The following FHOD3 variants were observed in gnomAD, a reference collection of about 807,000 sequenced individuals.
The protein encoded by FHOD3 is formin homology 2 domain containing 3, also known as FH1/FH2 domain-containing protein 3.
In FHOD3, 90 loss-of-function variants were observed where a neutral mutation model predicts 173.0. The ratio of observed to expected loss-of-function variants is 0.52; its 90% confidence interval spans 0.44 to 0.62. The LOEUF (loss-of-function observed/expected upper bound fraction) is 0.62. Ranked by LOEUF, FHOD3 falls within the 20% of genes least tolerant of loss-of-function variation. FHOD3 has a pLI of 0.00. For synonymous variants in FHOD3, 828 were observed against 823.0 expected (o/e 1.01, Z -0.10); for missense variants, 1,945 against 2,034.7 (o/e 0.96, Z 0.85).
chr18:36,409,749 G>A (rs1014342241), intron 3 of FHOD3, among the ~76,000 whole-genome samples: 12 of 152,226 alleles, frequency 7.9e-5, no homozygotes, highest in African/African-American at 2.7e-4. Context: ...TGGCCCCAGA[G>A]CTCTGGGGGT....
At chr18:36,456,286 T>G (rs2052209195) in intron 3 of FHOD3, among the ~76,000 whole-genome samples, 5 of 152,076 alleles carry the variant, frequency 3.3e-5, no homozygotes, top group African/African-American at 9.7e-5. Context: ...TGACATTGAT[T>G]GTAAGGGAGT....
chr18:36,697,633 C>T (rs1470474598), intron 17 of FHOD3, among the ~76,000 whole-genome samples: 1 of 151,954 alleles, frequency 6.6e-6, no homozygotes, highest in African/African-American at 2.4e-5. Context: ...ATTGTTTGGC[C>T]CTGGGGATAT....
intron 19 of FHOD3, among the ~76,000 whole-genome samples, chr18:36,722,473 T>G: frequency 6.6e-6 from 1 of 152,244 alleles, no homozygotes; most frequent in East Asian, 1.9e-4. Context: ...TCATTAGGTT[T>G]GTCATAGGGA....
Position 36,718,724 on chromosome 18 carries a change from A to G in FHOD3, c.3417+9A>G, listed in dbSNP as rs777048376. On this transcript the variant is annotated intron_variant, in intron 19 of 28. Transcript: ENST00000590592. ...AACTGTCTGTCTCAAAGGTACTGCT[A>G]GTCTTCAGCATGCTTCTTGATTGGA... 2.5e-6 allele frequency: 4 copies of G among 1,606,704 alleles called. No homozygotes were observed. The East Asian group carries it at 6.7e-5, about 27-fold the overall frequency.
chr18:36,644,203 A>G (rs1226956355), intron 10 of FHOD3, among the ~76,000 whole-genome samples: 1 of 152,222 alleles, frequency 6.6e-6, no homozygotes, highest in Non-Finnish European at 1.5e-5. Flanking sequence ...TCACAAGCAA[A>G]AGACCTGTGG....
intron 16 of FHOD3, among the ~76,000 whole-genome samples, chr18:36,687,494 G>C (rs2038701067): frequency 2.0e-5 from 3 of 152,172 alleles, no homozygotes; most frequent in Non-Finnish European, 1.5e-5. Flanking sequence ...CCTAATGCAT[G>C]CTTTTATGTC....
At chr18:36,774,695 G>A (rs780806069) in intron 28 of FHOD3, among the ~76,000 whole-genome samples, 3 of 152,150 alleles carry the variant, frequency 2.0e-5, no homozygotes, top group Non-Finnish European at 2.9e-5. Flanking sequence ...CAGAAAAGTT[G>A]CAAAAATAGT....
chr18:36,397,017 C>T (rs139216171), intron 3 of FHOD3, among the ~76,000 whole-genome samples: 88 of 152,250 alleles, frequency 5.8e-4, no homozygotes, highest in African/African-American at 2.0e-3. Flanking sequence ...TACTGCTCCA[C>T]TATTTCTGAG....
chr18:36,338,520 T>C (rs1300620369), intron 1 of FHOD3, among the ~76,000 whole-genome samples: 1 of 152,206 alleles, frequency 6.6e-6, no homozygotes, highest in Admixed American at 6.5e-5. Flanking sequence ...AACCATGATG[T>C]CCTGCAGGCC....
intron 26 of FHOD3, 35 bp from the exon 27 acceptor site, chr18:36,760,573 C>A: frequency 6.6e-7 from 1 of 1,510,764 alleles, no homozygotes. Context: ...TTTGGGGAGT[C>A]TCCCTCACCT....
At chr18:36,616,438 A>AT (rs2033207970) in intron 9 of FHOD3, among the ~76,000 whole-genome samples, 3 of 152,172 alleles carry the variant, frequency 2.0e-5, no homozygotes, top group South Asian at 2.1e-4. Context: ...TTCAGGGCAC[A>AT]TTTTCTCTCC....
chr18:36,625,635 G>A lies in FHOD3; in HGVS notation c.1082G>A (p.Arg361Lys). The change falls in exon 10 of 29, where the codon AGG becomes AAG. Residue 361 changes from arginine (R) to lysine (K), a missense_variant. Coordinates refer to ENST00000590592, the MANE Select transcript of FHOD3 (RefSeq NM_001281740.3). Reference protein sequence around the residue: ...GGEHRGLDRRRSRRHSVQSIK... With the variant: ...GGEHRGLDRRKSRRHSVQSIK... ...GAGCACCGGGGCCTGGACCGCAGAA[G>A]GAGCCGCAGGCACTCGGTGCAGAGC... is the stretch of plus-strand genomic sequence containing the variant. 1 of 1,606,696 alleles carries A rather than the reference G, an allele frequency of 6.2e-7. No individual in the cohort carries two copies. The highest frequency in any genetic ancestry group is 8.5e-7 in the Non-Finnish European group (1 of 1,175,630).
intron 10 of FHOD3, among the ~76,000 whole-genome samples, chr18:36,640,200 C>A (rs1375603193): frequency 6.6e-6 from 1 of 152,180 alleles, no homozygotes; most frequent in Non-Finnish European, 1.5e-5. Context: ...TCCTGTCTAA[C>A]TTTGGGTTCT....
At chr18:36,734,298 T>C (rs1255006468) in intron 20 of FHOD3, among the ~76,000 whole-genome samples, 1 of 152,226 alleles carries the variant, frequency 6.6e-6, no homozygotes, top group East Asian at 1.9e-4. Flanking sequence ...AGACAGTGCT[T>C]TGTTGTAGGA....
intron 5 of FHOD3, among the ~76,000 whole-genome samples, chr18:36,538,589 T>A (rs2057083415): frequency 6.6e-6 from 1 of 152,180 alleles, no homozygotes; most frequent in Admixed American, 6.5e-5. Flanking sequence ...AGTAGGTTAA[T>A]GGTTAGACTG....
intron 5 of FHOD3, among the ~76,000 whole-genome samples, chr18:36,540,570 G>T (rs1033768486): frequency 2.6e-5 from 4 of 152,186 alleles, no homozygotes; most frequent in Non-Finnish European, 4.4e-5. Context: ...ATCCAGGTCT[G>T]CTTCTTCCTG....
intron 7 of FHOD3, among the ~76,000 whole-genome samples, chr18:36,595,445 AC>A (rs1408282007): frequency 1.3e-5 from 2 of 150,804 alleles, no homozygotes; most frequent in African/African-American, 4.9e-5. Context: ...GGCTAAGGGG[AC>A]CCTTCACCCT....
intron 3 of FHOD3, among the ~76,000 whole-genome samples, chr18:36,485,303 C>T (rs1261328527): frequency 5.3e-5 from 8 of 152,194 alleles, no homozygotes; most frequent in African/African-American, 1.7e-4. Flanking sequence ...CTTGTCTTCT[C>T]CTGTCAGTGG....
At chr18:36,470,381 C>G (rs2053210673) in intron 3 of FHOD3, among the ~76,000 whole-genome samples, 1 of 152,184 alleles carries the variant, frequency 6.6e-6, no homozygotes, top group Admixed American at 6.5e-5. Context: ...AGCTCAGAGG[C>G]AAAGGATTTT....
Sources: gnomAD v4.1 joint callset for allele counts (sites outside exome capture counted in the v4.1 genomes callset) on GRCh38, gnomAD v4.1.1 for gene constraint, MANE v1.5 for transcripts, NCBI Gene and HGNC (gene_info 2026-07-23, HGNC 2026-07-21) for gene names.